Variants in SOX5 observed in about 807,000 individuals in gnomAD.
The protein encoded by SOX5 is SRY-box transcription factor 5.
Under a neutral mutation model 92.0 loss-of-function variants are expected in SOX5, and 9 were observed. That is an observed-to-expected ratio of 0.10 (90% CI 0.06 to 0.17). The LOEUF (loss-of-function observed/expected upper bound fraction) is 0.17, where lower values mean the gene tolerates loss of function less well. Ranked by LOEUF, SOX5 falls within the 10% of genes least tolerant of loss-of-function variation. The pLI, the probability that SOX5 is intolerant of heterozygous loss-of-function variation, is 1.00. For missense variants in SOX5, 642 were observed against 944.5 expected (o/e 0.68, Z 4.20); for synonymous variants, 344 against 336.3 (o/e 1.02, Z -0.25).
intron 3 of SOX5, among the ~76,000 whole-genome samples, chr12:23,838,535 T>C (rs1470654543): frequency 6.6e-6 from 1 of 152,050 alleles, no homozygotes; most frequent in Non-Finnish European, 1.5e-5. Context: ...ACTAACACTT[T>C]TAGATGCTTG....
At chr12:23,809,999 T>C (rs2095849327) in intron 3 of SOX5, among the ~76,000 whole-genome samples, 1 of 152,142 alleles carries the variant, frequency 6.6e-6, no homozygotes, top group Non-Finnish European at 1.5e-5. Context: ...TTTGAAAGTA[T>C]AGAGTTACTC....
At chr12:23,943,443 G>A (rs190881099) in intron 1 of SOX5, among the ~76,000 whole-genome samples, 3 of 152,070 alleles carry the variant, frequency 2.0e-5, no homozygotes, top group South Asian at 2.1e-4. Context: ...TCATCACGAC[G>A]GCATAGTAGG....
chr12:24,142,511 A>G (rs1436148594), intron 4 of SOX5, among the ~76,000 whole-genome samples: 1 of 151,926 alleles, frequency 6.6e-6, no homozygotes, highest in East Asian at 1.9e-4. Flanking sequence ...TGGACATTTT[A>G]TAAAGATACT....
At chr12:23,771,013 C>T (rs755245310) in intron 3 of SOX5, among the ~76,000 whole-genome samples, 11 of 151,682 alleles carry the variant, frequency 7.3e-5, no homozygotes, top group South Asian at 2.1e-4. Flanking sequence ...ATAGGAGAAA[C>T]GAGAAAAAGT....
At chr12:24,026,393 C>A (rs761024955) in intron 4 of SOX5, among the ~76,000 whole-genome samples, 2 of 151,904 alleles carry the variant, frequency 1.3e-5, no homozygotes, top group Non-Finnish European at 2.9e-5. Flanking sequence ...GAAAATCCCA[C>A]TGGTACTGTG....
chr12:23,730,338 G>C (rs1593765790), intron 6 of SOX5, among the ~76,000 whole-genome samples: 1 of 152,004 alleles, frequency 6.6e-6, no homozygotes, highest in Non-Finnish European at 1.5e-5. Context: ...ATTTAAAAAA[G>C]TATCTTTTAA....
chr12:24,281,959 TGCGATTTCCGGG>T (rs112906683), intron 2 of SOX5, among the ~76,000 whole-genome samples: 71,311 of 151,786 alleles, frequency 0.47, 17,522 homozygotes, highest in African/African-American at 0.6. Flanking sequence ...TGTTCCTCGA[TGCGATTTCCGGG>T]GCATCACCTA....
chr12:24,041,942 T>C (rs571127897), intron 4 of SOX5, among the ~76,000 whole-genome samples: 3 of 152,270 alleles, frequency 2.0e-5, no homozygotes, highest in African/African-American at 7.2e-5. Context: ...ATAAACATTA[T>C]GTGCTCATTA....
intron 2 of SOX5, among the ~76,000 whole-genome samples, chr12:23,894,797 C>T (rs2097161537): frequency 6.6e-6 from 1 of 151,998 alleles, no homozygotes; most frequent in Non-Finnish European, 1.5e-5. Flanking sequence ...AAAGATTTAG[C>T]AGAATTAGAG....
At chr12:24,321,754 G>A (rs1179784552) in intron 2 of SOX5, among the ~76,000 whole-genome samples, 1 of 152,200 alleles carries the variant, frequency 6.6e-6, no homozygotes, top group South Asian at 2.1e-4. Context: ...AATATTCATC[G>A]AGTACCTAGA....
At chr12:23,819,405 T>C (rs545426147) in intron 3 of SOX5, among the ~76,000 whole-genome samples, 16 of 152,186 alleles carry the variant, frequency 1.1e-4, no homozygotes, top group African/African-American at 3.4e-4. Context: ...AGTGAAAAAA[T>C]TGCTCTCTAA....
At chr12:24,135,107 G>A (rs1411535562) in intron 4 of SOX5, among the ~76,000 whole-genome samples, 1 of 152,128 alleles carries the variant, frequency 6.6e-6, no homozygotes. Flanking sequence ...ATGCCATTAA[G>A]GACTCCCTCA....
At chr12:24,067,098 T>A (rs1940875014) in intron 4 of SOX5, among the ~76,000 whole-genome samples, 1 of 152,166 alleles carries the variant, frequency 6.6e-6, no homozygotes. Context: ...GAACTCTGAT[T>A]GACATGAAAG....
intron 3 of SOX5, among the ~76,000 whole-genome samples, chr12:24,263,544 A>AAAAAAAAAAAAAC (rs1565781795): frequency 1.3e-5 from 2 of 149,624 alleles, no homozygotes; most frequent in East Asian, 2.0e-4. Context: ...AAAAAAACAA[A>AAAAAAAAAAAAAC]AAAAAAAACA....
At chr12:24,547,783 A>G (rs1952789685) in intron 1 of SOX5, among the ~76,000 whole-genome samples, 1 of 152,212 alleles carries the variant, frequency 6.6e-6, no homozygotes, top group African/African-American at 2.4e-5. Context: ...ACTTATCCCA[A>G]TAACAAATAA....
At chr12:23,999,140 CTG>C (rs1384723605) in intron 4 of SOX5, among the ~76,000 whole-genome samples, 32 of 141,384 alleles carry the variant, frequency 2.3e-4, no homozygotes, top group African/African-American at 7.6e-4. Flanking sequence ...AAAAAAGACT[CTG>C]TGTGTGTGTG....
At chr12:23,535,478 G>A (rs931470535) in intron 14 of SOX5, among the ~76,000 whole-genome samples, 4 of 152,190 alleles carry the variant, frequency 2.6e-5, no homozygotes, top group African/African-American at 4.8e-5. Flanking sequence ...AAGAGACCCT[G>A]TCTCCTCATT....
At chr12:23,760,196 G>C (rs2094524875) in intron 3 of SOX5, among the ~76,000 whole-genome samples, 1 of 152,028 alleles carries the variant, frequency 6.6e-6, no homozygotes, top group Non-Finnish European at 1.5e-5. Context: ...AATGCTGCCA[G>C]ATACAATTTT....
intron 4 of SOX5, among the ~76,000 whole-genome samples, chr12:23,982,645 T>C (rs776706347): frequency 1.3e-5 from 2 of 152,036 alleles, no homozygotes; most frequent in African/African-American, 2.4e-5. Flanking sequence ...TAAAGTAGAA[T>C]TGTCCAGTAG....
Sources: gnomAD v4.1 joint callset for allele counts (sites outside exome capture counted in the v4.1 genomes callset) on GRCh38, gnomAD v4.1.1 for gene constraint, MANE v1.5 for transcripts, NCBI Gene and HGNC (gene_info 2026-07-23, HGNC 2026-07-21) for gene names.